DOP1B: variants seen among roughly 807,000 people sequenced by gnomAD.
The protein encoded by DOP1B is protein DOP1B.
DOP1B carries 174 observed loss-of-function variants against 233.5 expected under a neutral mutation model. The observed-to-expected ratio is 0.75, with a 90% CI of 0.66 to 0.85. The LOEUF is 0.85. Ranked by LOEUF, DOP1B falls within the 40% of genes least tolerant of loss-of-function variation. The pLI is 0.00. For missense variants in DOP1B, 2,652 were observed against 2,846.6 expected (o/e 0.93, Z 1.56); for synonymous variants, 1,190 against 1,185.6 (o/e 1.00, Z -0.08).
intron 2 of DOP1B, among the ~76,000 whole-genome samples, chr21:36,192,845 G>A (rs2066248023): frequency 2.0e-5 from 3 of 147,754 alleles, no homozygotes; most frequent in Non-Finnish European, 3.0e-5. Flanking sequence ...CCGCCACCAC[G>A]CCCGGCTAAT....
chr21:36,257,174 A>G (rs1171227030), intron 23 of DOP1B, among the ~76,000 whole-genome samples: 2 of 152,162 alleles, frequency 1.3e-5, no homozygotes, highest in African/African-American at 2.4e-5. Flanking sequence ...GCGTAGGGCA[A>G]GGTATGGGGG....
rs746682317 is a variant in DOP1B, at chr21:36,237,393, T to C, written c.2754T>C (p.His918=). ...TANICEDIIC[H]ALLDPDKGTR... Reference sequence around the variant, plus strand: ...ACATCTGCGAGGACATCATCTGCCATGCCCTCCTGGACCCTGACAAGGTGA... The same window carrying C: ...ACATCTGCGAGGACATCATCTGCCACGCCCTCCTGGACCCTGACAAGGTGA... The change falls in exon 16 of 37, where the codon CAT becomes CAC. Residue 918 remains histidine, a synonymous_variant. Coordinates refer to ENST00000691173, the MANE Select transcript of DOP1B (RefSeq NM_001320714.2). 1.2e-6 allele frequency: 2 copies of C among 1,614,134 alleles called. No individual in the cohort carries two copies. Among genetic ancestry groups the C allele is most frequent in the East Asian group, 4.5e-5 (2 of 44,884 alleles).
intron 26 of DOP1B, among the ~76,000 whole-genome samples, chr21:36,266,073 G>A (rs1381931607): frequency 1.3e-5 from 2 of 152,166 alleles, no homozygotes; most frequent in Admixed American, 6.6e-5. Context: ...GCTTTTGACA[G>A]ACCAGCTCTA....
At chr21:36,265,851 A>G (rs571403956) in intron 26 of DOP1B, among the ~76,000 whole-genome samples, 1 of 152,094 alleles carries the variant, frequency 6.6e-6, no homozygotes, top group East Asian at 1.9e-4. Flanking sequence ...TCCTTCTGTG[A>G]CCTCGTAACC....
At chr21:36,194,485 C>CTTTTTTTTTT (rs1432687395) in intron 2 of DOP1B, among the ~76,000 whole-genome samples, 1 of 124,564 alleles carries the variant, frequency 8.0e-6, no homozygotes, top group Non-Finnish European at 1.7e-5. Context: ...CTCTCTCTCT[C>CTTTTTTTTTT]TCTTTTTTTT....
Position 36,223,227 on chromosome 21 carries a change from A to G in DOP1B, c.1251-4A>G, listed in dbSNP as rs2066646277. The G allele has an allele frequency of 6.3e-7, 1 of 1,590,906 alleles. No homozygotes were observed. The highest frequency in any genetic ancestry group is 8.5e-7 in the Non-Finnish European group (1 of 1,173,388). ...ATATTTATTCATGTCCTCCCCTTTT[A>G]CAGTGCAATCAAGGAAAACAGAAAT... On this transcript the variant is annotated splice_region_variant and splice_polypyrimidine_tract_variant and intron_variant, in intron 10 of 36. Transcript: ENST00000691173.
intron 4 of DOP1B, among the ~76,000 whole-genome samples, chr21:36,203,058 AATAGTTG>A (rs1569018457): frequency 6.6e-6 from 1 of 152,258 alleles, no homozygotes; most frequent in Non-Finnish European, 1.5e-5. Context: ...TAGAAGTGTA[AATAGTTG>A]GAGTGTTTTT....
intron 10 of DOP1B, among the ~76,000 whole-genome samples, chr21:36,221,493 TC>T (rs1569030135): frequency 1.3e-5 from 2 of 151,750 alleles, no homozygotes; most frequent in Non-Finnish European, 2.9e-5. Flanking sequence ...ACACTTCATC[TC>T]AAAAAATAAA....
chr21:36,170,193 T>G, intron 2 of DOP1B: 2 of 438,876 alleles, frequency 4.6e-6, no homozygotes, highest in East Asian at 5.1e-5. Context: ...CACAATCAAA[T>G]TCCACCGGTA....
chr21:36,176,601 C>G (rs545062334), intron 2 of DOP1B, among the ~76,000 whole-genome samples: 9 of 152,006 alleles, frequency 5.9e-5, no homozygotes, highest in Non-Finnish European at 1.0e-4. Flanking sequence ...CCAGGGTCAT[C>G]GTGGAATGAT....
chr21:36,230,001 C>G (rs1221538863), intron 13 of DOP1B, among the ~76,000 whole-genome samples: 1 of 151,808 alleles, frequency 6.6e-6, no homozygotes, highest in African/African-American at 2.4e-5. Flanking sequence ...ACCCTCAGCT[C>G]AGTTTCCTCA....
intron 35 of DOP1B, among the ~76,000 whole-genome samples, chr21:36,291,584 A>G (rs2067560476): frequency 6.6e-6 from 1 of 152,268 alleles, no homozygotes; most frequent in Middle Eastern, 3.4e-3. Flanking sequence ...GGGTTCCGAT[A>G]TATGTGAATG....
chr21:36,227,485 T>C (rs990151630), intron 12 of DOP1B, among the ~76,000 whole-genome samples: 1 of 151,634 alleles, frequency 6.6e-6, no homozygotes, highest in African/African-American at 2.4e-5. Flanking sequence ...AGGCTGAGCT[T>C]GCAGTGAGCC....
intron 5 of DOP1B, 139 bp downstream of exon 5, chr21:36,209,043 G>A (rs2066462641): frequency 4.1e-6 from 4 of 967,028 alleles, no homozygotes; most frequent in Non-Finnish European, 5.7e-6. Context: ...GGTAACGAAC[G>A]GCTGAGCAAG....
chr21:36,253,838 C>A lies in DOP1B; in HGVS notation c.5188C>A (p.Gln1730Lys), dbSNP rs1383845885. ...VDLVCALSTL[Q>K]TDTLLHLVKE... The stretch of plus-strand genomic sequence containing the variant: ...CTTGGTGTGTGCACTCAGCACCCTG[C>A]AGACTGACACGCTGCTGCACCTGGT... The change falls in exon 23 of 37, where the codon CAG becomes AAG. Residue 1730 changes from glutamine to lysine, a missense_variant. By Grantham distance (53) the Gln-to-Lys change is moderately conservative. Coordinates refer to ENST00000691173, the MANE Select transcript of DOP1B (RefSeq NM_001320714.2). 5 of 1,614,042 alleles carry A rather than the reference C, an allele frequency of 3.1e-6. No homozygotes were observed. Among genetic ancestry groups the A allele is most frequent in the Admixed American group, 3.3e-5 (2 of 60,002 alleles).
chr21:36,171,417 G>A (rs1206255789), intron 2 of DOP1B, among the ~76,000 whole-genome samples: 1 of 152,166 alleles, frequency 6.6e-6, no homozygotes, highest in Non-Finnish European at 1.5e-5. Flanking sequence ...TTAACCCTTA[G>A]TACCTCAGTA....
intron 15 of DOP1B, among the ~76,000 whole-genome samples, chr21:36,236,783 T>C (rs1320495450): frequency 6.8e-6 from 1 of 146,198 alleles, no homozygotes; most frequent in Non-Finnish European, 1.5e-5. Context: ...TTTTCTTTTT[T>C]TTTTTTTTTT....
At chr21:36,257,810 T>C (rs1281047014) in intron 23 of DOP1B, among the ~76,000 whole-genome samples, 2 of 130,730 alleles carry the variant, frequency 1.5e-5, no homozygotes, top group South Asian at 5.1e-4. Flanking sequence ...AGGGTAGGTA[T>C]GTAGATAGAT....
intron 12 of DOP1B, among the ~76,000 whole-genome samples, chr21:36,226,825 C>T (rs1478024022): frequency 6.6e-6 from 1 of 152,170 alleles, no homozygotes; most frequent in Non-Finnish European, 1.5e-5. Flanking sequence ...AACTCCTGAG[C>T]TCAAGCAATC....
Sources: allele counts gnomAD v4.1 joint callset (sites outside exome capture counted in the v4.1 genomes callset), GRCh38; gene constraint gnomAD v4.1.1; transcripts MANE v1.5; gene names NCBI Gene and HGNC (gene_info 2026-07-23, HGNC 2026-07-21).